Variants in GULP1 observed in about 807,000 individuals in gnomAD.
GULP1 encodes the protein PTB domain-containing engulfment adapter protein 1.
In GULP1, 19 loss-of-function variants were observed where a neutral mutation model predicts 40.9. That is an observed-to-expected ratio of 0.46 (90% CI 0.32 to 0.68). The LOEUF is 0.68. Ranked by LOEUF, GULP1 falls within the 30% of genes least tolerant of loss-of-function variation. The pLI is 0.03. For missense variants in GULP1, 312 were observed against 362.2 expected, an observed-to-expected ratio of 0.86 and a Z score of 1.12; for synonymous variants, 119 against 117.6, an observed-to-expected ratio of 1.01 and a Z score of -0.08.
chr2:188,368,453 C>T (rs1025710404), intron 1 of GULP1, among the ~76,000 whole-genome samples: 7 of 151,846 alleles, frequency 4.6e-5, no homozygotes, highest in Admixed American at 2.0e-4. Flanking sequence ...TGGTGGCATG[C>T]GCCTGTAGTC....
chr2:188,528,992 T>G (rs1575809830), intron 5 of GULP1, 105 bp from the exon 6 acceptor site: 1 of 607,744 alleles, frequency 1.6e-6, no homozygotes, highest in Non-Finnish European at 2.9e-6. Flanking sequence ...AAAAATTCAC[T>G]TAATTAAAGT....
chr2:188,325,769 C>T (rs938091679), intron 1 of GULP1, among the ~76,000 whole-genome samples: 1 of 152,008 alleles, frequency 6.6e-6, no homozygotes, highest in Non-Finnish European at 1.5e-5. Context: ...ACTAGCCAAC[C>T]TTCTTACTTG....
chr2:188,301,310 A>G (rs1236399848), intron 1 of GULP1, among the ~76,000 whole-genome samples: 1 of 152,164 alleles, frequency 6.6e-6, no homozygotes, highest in Admixed American at 6.5e-5. Context: ...AGGTGTGAGC[A>G]CTGTACTTGG....
intron 1 of GULP1, among the ~76,000 whole-genome samples, chr2:188,358,871 G>A (rs536983307): frequency 6.6e-6 from 1 of 152,052 alleles, no homozygotes; most frequent in Non-Finnish European, 1.5e-5. Flanking sequence ...CATTTCTAAT[G>A]AGTAAATATT....
intron 9 of GULP1, among the ~76,000 whole-genome samples, chr2:188,576,814 T>C (rs1454119122): frequency 6.6e-6 from 1 of 152,142 alleles, no homozygotes; most frequent in Non-Finnish European, 1.5e-5. Context: ...TTTTGCTGTG[T>C]TTCAGTGGTT....
chr2:188,452,665 T>C (rs1356728366), intron 2 of GULP1, among the ~76,000 whole-genome samples: 2 of 152,216 alleles, frequency 1.3e-5, no homozygotes, highest in African/African-American at 2.4e-5. Flanking sequence ...TACTGTGACA[T>C]GTGCTCCTAC....
intron 1 of GULP1, among the ~76,000 whole-genome samples, chr2:188,351,014 C>T (rs2044374824): frequency 1.3e-5 from 2 of 151,968 alleles, no homozygotes; most frequent in East Asian, 1.9e-4. Context: ...ATTGGGGAAA[C>T]TAATATGATG....
intron 2 of GULP1, among the ~76,000 whole-genome samples, chr2:188,470,821 G>T (rs899517747): frequency 1.3e-5 from 2 of 152,112 alleles, no homozygotes; most frequent in African/African-American, 4.8e-5. Context: ...ACTGTTTTGT[G>T]ATCTAACATA....
chr2:188,533,453 A>G (rs931045413), intron 6 of GULP1, among the ~76,000 whole-genome samples: 2 of 152,178 alleles, frequency 1.3e-5, no homozygotes, highest in Non-Finnish European at 2.9e-5. Flanking sequence ...CTGGACCCTT[A>G]CCTTTCACCA....
At chr2:188,499,754 A>C (rs1334235223) in intron 4 of GULP1, among the ~76,000 whole-genome samples, 1 of 151,756 alleles carries the variant, frequency 6.6e-6, no homozygotes, top group Non-Finnish European at 1.5e-5. Context: ...GAAATATAAG[A>C]GTAGAGGAAT....
At chr2:188,350,978 T>C (rs566308106) in intron 1 of GULP1, among the ~76,000 whole-genome samples, 1 of 152,102 alleles carries the variant, frequency 6.6e-6, no homozygotes, top group Non-Finnish European at 1.5e-5. Context: ...AAGGAAAATA[T>C]AGTACTGAAT....
chr2:188,549,033 G>C (rs1692730371), intron 7 of GULP1, among the ~76,000 whole-genome samples: 1 of 151,762 alleles, frequency 6.6e-6, no homozygotes, highest in Non-Finnish European at 1.5e-5. Flanking sequence ...AAATCTTCAG[G>C]ATGTAGGGCT....
At chr2:188,351,183 AT>A (rs950077779) in intron 1 of GULP1, among the ~76,000 whole-genome samples, 23 of 152,068 alleles carry the variant, frequency 1.5e-4, no homozygotes, top group African/African-American at 4.3e-4. Context: ...AATTAGAAGT[AT>A]TTTTTTTATT....
At chr2:188,513,686 C>G (rs2153213955) in intron 4 of GULP1, among the ~76,000 whole-genome samples, 1 of 151,596 alleles carries the variant, frequency 6.6e-6, no homozygotes, top group East Asian at 1.9e-4. Context: ...ACAGAAAAAC[C>G]TTGTTGCATT....
At chr2:188,564,499 A>G (rs1390477008) in intron 7 of GULP1, among the ~76,000 whole-genome samples, 1 of 151,952 alleles carries the variant, frequency 6.6e-6, no homozygotes, top group Admixed American at 6.6e-5. Context: ...GAAACATGAA[A>G]TAATGAGAAT....
intron 4 of GULP1, chr2:188,491,639 A>G (rs948513837): frequency 6.6e-6 from 1 of 152,088 alleles, no homozygotes; most frequent in Non-Finnish European, 1.5e-5. Flanking sequence ...TTGTCATTTC[A>G]TTCAAAAGGT....
intron 4 of GULP1, among the ~76,000 whole-genome samples, chr2:188,522,269 A>G (rs2153225925): frequency 6.6e-6 from 1 of 152,268 alleles, no homozygotes; most frequent in East Asian, 1.9e-4. Flanking sequence ...AAAAAAAGCT[A>G]ATGGCGAAAT....
intron 2 of GULP1, among the ~76,000 whole-genome samples, chr2:188,397,833 A>G (rs1293040167): frequency 6.6e-6 from 1 of 152,208 alleles, no homozygotes; most frequent in East Asian, 1.9e-4. Flanking sequence ...CTCATGAACA[A>G]TCAATCCAAA....
intron 9 of GULP1, among the ~76,000 whole-genome samples, chr2:188,577,440 A>T (rs1282887569): frequency 6.6e-6 from 1 of 152,146 alleles, no homozygotes; most frequent in African/African-American, 2.4e-5. Context: ...AATTTTAAAC[A>T]TGAATTGGTT....
Sources: allele counts gnomAD v4.1 joint callset (sites outside exome capture counted in the v4.1 genomes callset), GRCh38; gene constraint gnomAD v4.1.1; transcripts MANE v1.5; gene names NCBI Gene and HGNC (gene_info 2026-07-23, HGNC 2026-07-21).